ELP4: variants seen among roughly 807,000 people sequenced by gnomAD.
The protein encoded by ELP4 is elongator acetyltransferase complex subunit 4.
A neutral mutation model predicts 48.9 loss-of-function variants in ELP4; 51 were observed. That is an observed-to-expected ratio of 1.04 (90% CI 0.83 to 1.32). The LOEUF is 1.32. Ranked by LOEUF, ELP4 falls within the 40% of genes most tolerant of loss-of-function variation. The pLI is 0.00. For synonymous variants in ELP4, 210 were observed against 189.2 expected (o/e 1.11, Z -0.90); for missense variants, 519 against 514.6 (o/e 1.01, Z -0.08).
intron 5 of ELP4, among the ~76,000 whole-genome samples, chr11:31,622,478 A>G (rs1944644654): frequency 1.3e-5 from 2 of 151,522 alleles, no homozygotes; most frequent in African/African-American, 4.8e-5. Flanking sequence ...GTTATTTATC[A>G]TCTACCTGTA....
intron 9 of ELP4, among the ~76,000 whole-genome samples, chr11:31,678,495 ATGTG>A (rs71060498): frequency 0.027 from 3,706 of 137,476 alleles, 73 homozygotes; most frequent in African/African-American, 0.037. Context: ...ACATATATGT[ATGTG>A]TGTGTGTGTG....
At chr11:31,516,308 A>T (rs1310773198) in intron 1 of ELP4, among the ~76,000 whole-genome samples, 2 of 152,230 alleles carry the variant, frequency 1.3e-5, no homozygotes, top group Admixed American at 1.3e-4. Flanking sequence ...TTGTATGCTT[A>T]TATCAATTCA....
At chr11:31,585,435 T>TA (rs201593283) in intron 3 of ELP4, among the ~76,000 whole-genome samples, 2,079 of 140,850 alleles carry the variant, frequency 0.015, 35 homozygotes, top group East Asian at 0.082. Flanking sequence ...TGGGTATTAT[T>TA]AAAAAAAAAA....
chr11:31,591,940 A>G (rs1444370997), intron 3 of ELP4, among the ~76,000 whole-genome samples: 2 of 152,228 alleles, frequency 1.3e-5, no homozygotes, highest in East Asian at 1.9e-4. Context: ...ATACTGAAAC[A>G]TGGTGCAACA....
Position 31,746,571 on chromosome 11 carries a change from A to T in ELP4, c.1144-36822A>T, listed in dbSNP as rs188901612. 5.2e-3 allele frequency among the ~76,000 whole-genome samples: 796 copies of T among 152,330 alleles called. 5 individuals carry two copies. The highest frequency in any genetic ancestry group is 0.019 in the African/African-American group (771 of 41,560). ...TGCTATGCAGCCATAAAAAATGATG[A>T]GTTCATGTCCTTTGTAGGGACATGG... On this transcript the variant is annotated intron_variant, in intron 9 of 9. Coordinates refer to ENST00000640961, the MANE Select transcript of ELP4 (RefSeq NM_019040.5).
chr11:31,760,376 G>T (rs1292839300), intron 9 of ELP4, among the ~76,000 whole-genome samples: 1 of 152,110 alleles, frequency 6.6e-6, no homozygotes, highest in Non-Finnish European at 1.5e-5. Flanking sequence ...TTTCCAGAAT[G>T]CCTCTAGTCC....
chr11:31,683,446 A>C (rs1271033807), intron 9 of ELP4, among the ~76,000 whole-genome samples: 2 of 152,202 alleles, frequency 1.3e-5, no homozygotes, highest in Non-Finnish European at 2.9e-5. Context: ...TGAAGTTTCA[A>C]ATTGGCAAAT....
intron 9 of ELP4, chr11:31,767,332 C>T (rs893277442): frequency 3.3e-5 from 5 of 150,042 alleles, no homozygotes; most frequent in Admixed American, 6.7e-5. Flanking sequence ...TTAGCCGATT[C>T]GGTGTATGAA....
At chr11:31,761,618 A>G (rs1201590289) in intron 9 of ELP4, among the ~76,000 whole-genome samples, 1 of 152,232 alleles carries the variant, frequency 6.6e-6, no homozygotes, top group Non-Finnish European at 1.5e-5. Flanking sequence ...GACAGTGGGG[A>G]GATATGCTAA....
At chr11:31,730,580 G>C (rs987400458) in intron 9 of ELP4, among the ~76,000 whole-genome samples, 55 of 152,284 alleles carry the variant, frequency 3.6e-4, no homozygotes, top group Middle Eastern at 3.4e-3. Context: ...GAGGGGAGCT[G>C]CCCAAGGGAC....
intron 9 of ELP4, among the ~76,000 whole-genome samples, chr11:31,730,613 A>G (rs972692738): frequency 1.3e-5 from 2 of 152,174 alleles, no homozygotes; most frequent in African/African-American, 4.8e-5. Context: ...CATCTCTCTC[A>G]GAGCACTGAC....
chr11:31,749,917 G>A (rs1301886426), intron 9 of ELP4, among the ~76,000 whole-genome samples: 2 of 150,630 alleles, frequency 1.3e-5, no homozygotes, highest in South Asian at 2.1e-4. Context: ...GTGCAGTGGC[G>A]TGATCTCGGC....
At chr11:31,719,876 T>G (rs953051359) in intron 9 of ELP4, 21 of 170,472 alleles carry the variant, frequency 1.2e-4, no homozygotes, top group African/African-American at 4.0e-4. Flanking sequence ...TAGAGAACGG[T>G]TACTTGTACA....
chr11:31,669,409 C>G (rs750347025), intron 9 of ELP4, among the ~76,000 whole-genome samples: 2 of 152,052 alleles, frequency 1.3e-5, no homozygotes, highest in South Asian at 2.1e-4. Flanking sequence ...GAAAAATGCT[C>G]TCCCCTTTTC....
chr11:31,522,297 G>A (rs553187509), intron 2 of ELP4, among the ~76,000 whole-genome samples: 1 of 152,254 alleles, frequency 6.6e-6, no homozygotes, highest in South Asian at 2.1e-4. Flanking sequence ...AAAACGGTGT[G>A]TAAAGAAAAT....
intron 1 of ELP4, chr11:31,511,485 T>G (rs2133865199): frequency 6.6e-6 from 1 of 152,290 alleles, no homozygotes; most frequent in Admixed American, 6.5e-5. Flanking sequence ...AGTAAGTTGT[T>G]GAATACAAGA....
At chr11:31,517,931 T>G (rs1403466780) in intron 1 of ELP4, among the ~76,000 whole-genome samples, 1 of 152,046 alleles carries the variant, frequency 6.6e-6, no homozygotes, top group Non-Finnish European at 1.5e-5. Context: ...CTTTGAGTAT[T>G]TTAAAAATTA....
rs537248623 is a variant in ELP4, at chr11:31,528,476, A to G, written c.259+8385A>G. ...TTAAGACTTTTGTCATAAATTTGCTATTTTACTTTTCTACTTCTGTATTTC... is the reference window on the plus strand; with the variant it reads ...TTAAGACTTTTGTCATAAATTTGCTGTTTTACTTTTCTACTTCTGTATTTC... On this transcript the variant is annotated intron_variant, in intron 2 of 9. Transcript: ENST00000640961. Among the ~76,000 whole-genome samples, 12 of 152,208 alleles carry G rather than the reference A, an allele frequency of 7.9e-5. No individual in the cohort carries two copies. In the East Asian group the frequency reaches 2.3e-3, roughly 29 times the overall value.
chr11:31,789,490 A>C lies in ELP4; in HGVS notation c.*5966A>C. On this transcript the variant is annotated 3_prime_UTR_variant, in exon 10 of 10. Coordinates refer to ENST00000640961, the MANE Select transcript of ELP4 (RefSeq NM_019040.5). The stretch of plus-strand genomic sequence containing the variant: ...ACAAACTTGGAACATCAGTCCATAA[A>C]CTATGAACAGATGGGTAGAAGTATT... 3.6e-6 allele frequency: 2 copies of C among 561,472 alleles called. No individual in the cohort carries two copies. The highest frequency in any genetic ancestry group is 5.8e-5 in the East Asian group (2 of 34,608). The allele number at this position is 561,472 out of a possible 1,614,324, so 34.8% of individuals were successfully genotyped here.
Sources: allele counts gnomAD v4.1 joint callset (sites outside exome capture counted in the v4.1 genomes callset), GRCh38; gene constraint gnomAD v4.1.1; transcripts MANE v1.5; gene names NCBI Gene and HGNC (gene_info 2026-07-23, HGNC 2026-07-21).